The following HBS1L variants were observed in gnomAD, a reference collection of about 807,000 sequenced individuals.
The protein encoded by HBS1L is HBS1-like protein.
HBS1L carries 55 observed loss-of-function variants against 88.9 expected under a neutral mutation model. The ratio of observed to expected loss-of-function variants is 0.62; its 90% confidence interval spans 0.50 to 0.77. The LOEUF is 0.77. Among genes scored for constraint, HBS1L ranks in the 30% least tolerant of loss-of-function variants. The pLI is 0.00. For missense variants in HBS1L, 741 were observed against 829.3 expected, an observed-to-expected ratio of 0.89 and a Z score of 1.31; for synonymous variants, 267 against 288.5, an observed-to-expected ratio of 0.93 and a Z score of 0.76.
chr6:134,974,127 C>T (rs1310017992), intron 15 of HBS1L, among the ~76,000 whole-genome samples: 2 of 152,144 alleles, frequency 1.3e-5, no homozygotes, highest in East Asian at 3.9e-4. Flanking sequence ...ACTATAAACA[C>T]CTCCGTGCAC....
Position 134,993,870 on chromosome 6 carries a change from ACT to A in HBS1L, c.969_970del (p.Val324AsnfsTer10). On this transcript the variant is annotated frameshift_variant, in exon 8 of 18. Coordinates refer to ENST00000367837, the MANE Select transcript of HBS1L (RefSeq NM_006620.4). LOFTEE classifies it high-confidence loss of function. ...CTTTGTCATACCAACATCCATGGTTACTCCCCTTAAACAAAACATAACATGGT... is the reference window on the plus strand; with the variant it reads ...CTTTGTCATACCAACATCCATGGTTACCCCTTAAACAAAACATAACATGGT... 6.5e-7 allele frequency: 1 copy of A among 1,529,378 alleles called. No individual in the cohort carries two copies. The highest frequency in any genetic ancestry group is 2.3e-5 in the East Asian group (1 of 44,324). 94.7% of individuals were successfully genotyped at this position (1,529,378 alleles called of 1,614,324 possible).
At chr6:135,049,126 T>C (rs1777002513) in intron 2 of HBS1L, among the ~76,000 whole-genome samples, 1 of 152,164 alleles carries the variant, frequency 6.6e-6, no homozygotes, top group African/African-American at 2.4e-5. Flanking sequence ...CAAAATGCCA[T>C]AAACTAGGTA....
At chr6:135,004,337 T>C (rs1200795296) in intron 4 of HBS1L, among the ~76,000 whole-genome samples, 2 of 151,862 alleles carry the variant, frequency 1.3e-5, no homozygotes, top group African/African-American at 4.8e-5. Flanking sequence ...TAAAATTTGA[T>C]GATAGGGCAC....
At chr6:135,009,119 C>T (rs908255622) in intron 4 of HBS1L, among the ~76,000 whole-genome samples, 7 of 152,138 alleles carry the variant, frequency 4.6e-5, no homozygotes, top group Non-Finnish European at 8.8e-5. Flanking sequence ...GGTCGTTTAC[C>T]TTTACACAAC....
chr6:134,988,955 A>G (rs959637617), intron 8 of HBS1L, among the ~76,000 whole-genome samples: 1 of 152,236 alleles, frequency 6.6e-6, no homozygotes, highest in African/African-American at 2.4e-5. Context: ...AAAGCCTTGT[A>G]TAACAAAGTT....
At chr6:134,965,702 C>A (rs538920115) in intron 17 of HBS1L, among the ~76,000 whole-genome samples, 4 of 152,214 alleles carry the variant, frequency 2.6e-5, no homozygotes, top group African/African-American at 9.6e-5. Context: ...GCATTTATGC[C>A]GCTAAAAACT....
intron 4 of HBS1L, among the ~76,000 whole-genome samples, chr6:135,025,530 C>G (rs1776202561): frequency 6.6e-6 from 1 of 152,170 alleles, no homozygotes; most frequent in Non-Finnish European, 1.5e-5. Flanking sequence ...GCTGACAAAA[C>G]TGCTGCAACA....
intron 5 of HBS1L, among the ~76,000 whole-genome samples, chr6:134,999,666 T>C (rs1006464290): frequency 1.3e-5 from 2 of 152,128 alleles, no homozygotes; most frequent in East Asian, 1.9e-4. Flanking sequence ...CAGGCTGGTA[T>C]TGAACTCCTG....
At chr6:134,997,310 AG>A in intron 6 of HBS1L, 86 bp downstream of exon 6, 1 of 1,492,936 alleles carries the variant, frequency 6.7e-7, no homozygotes, top group South Asian at 1.2e-5. Context: ...CCACCCATGG[AG>A]AAACTCAGAG....
At position 134,985,406 on chromosome 6, in the gene HBS1L, G is replaced by C. The variant is rs1182932963; in HGVS notation, c.1427C>G (p.Ser476Cys). 1 of 1,587,470 alleles carries C rather than the reference G, an allele frequency of 6.3e-7. No homozygotes were observed. Residue 476 changes from serine to cysteine, a missense_variant, in exon 12 of 18, where the codon TCC (serine) becomes TGC (cysteine). Ser to Cys is a moderately radical substitution (Grantham distance 112). Around this residue, in one of 3 missense-constraint regions of HBS1L, gnomAD observed 556 missense variants for 598.4 expected, o/e 0.93. Transcript: ENST00000367837. ...AATAGATCGCTGGGGAGGCTTAAAG[G>C]AATCTGGAAAAAAGAAATTGCAAAA... ...KGLCLLEQID[S>C]FKPPQRSIDK...
chr6:134,983,567 C>G (rs1159188191), intron 12 of HBS1L: 1 of 152,164 alleles, frequency 6.6e-6, no homozygotes, highest in African/African-American at 2.4e-5. Flanking sequence ...GAGACACACA[C>G]ATGCAGAAGT....
At chr6:135,022,892 T>TA (rs1053780598) in intron 4 of HBS1L, among the ~76,000 whole-genome samples, 2 of 148,546 alleles carry the variant, frequency 1.3e-5, no homozygotes, top group Admixed American at 6.7e-5. Flanking sequence ...AGGATAAGGA[T>TA]AAAATCTCAT....
intron 11 of HBS1L, 136 bp downstream of exon 11, chr6:134,985,930 C>T (rs956290120): frequency 8.3e-6 from 5 of 601,826 alleles, no homozygotes; most frequent in African/African-American, 3.8e-5. Flanking sequence ...CACATGATGA[C>T]AAAACAGGTA....
intron 4 of HBS1L, among the ~76,000 whole-genome samples, chr6:135,033,350 T>C (rs890703121): frequency 1.3e-5 from 2 of 152,104 alleles, no homozygotes; most frequent in Non-Finnish European, 1.5e-5. Flanking sequence ...CCAACAATCA[T>C]CACAAGGAGT....
intron 13 of HBS1L, among the ~76,000 whole-genome samples, chr6:134,980,575 C>T (rs776654187): frequency 1.3e-5 from 2 of 151,872 alleles, no homozygotes; most frequent in African/African-American, 2.4e-5. Flanking sequence ...ATGTTTTATA[C>T]TACAAGTTCA....
intron 4 of HBS1L, among the ~76,000 whole-genome samples, chr6:135,014,047 G>A (rs895451552): frequency 3.9e-5 from 6 of 152,026 alleles, no homozygotes; most frequent in African/African-American, 1.4e-4. Flanking sequence ...AGGAAACAAG[G>A]GACAAGTGTA....
At chr6:135,041,388 A>G (rs951687963) in intron 3 of HBS1L, among the ~76,000 whole-genome samples, 10 of 151,260 alleles carry the variant, frequency 6.6e-5, no homozygotes, top group African/African-American at 2.2e-4. Flanking sequence ...ATACTTATTT[A>G]TTTATTTATA....
chr6:134,988,217 A>T (rs982940114), intron 8 of HBS1L, among the ~76,000 whole-genome samples: 2 of 152,000 alleles, frequency 1.3e-5, no homozygotes, highest in African/African-American at 4.8e-5. Context: ...TACAAAAATT[A>T]GCCGGGTGTG....
chr6:134,963,348 G>C lies in HBS1L; in HGVS notation c.*1931C>G, dbSNP rs1468502092. 6.6e-6 allele frequency: 1 copy of C among 152,164 alleles called. No homozygotes were observed. The highest frequency in any genetic ancestry group is 1.5e-5 in the Non-Finnish European group (1 of 68,034). 9.4% of individuals were successfully genotyped at this position (152,164 alleles called of 1,614,324 possible). ...GCTCTTTTAGTCTGTCCTTGCCCTG[G>C]ATGGGAGATCTGAGGATGTAAGTGT... On this transcript the variant is annotated 3_prime_UTR_variant, in exon 18 of 18. Coordinates refer to ENST00000367837, the MANE Select transcript of HBS1L (RefSeq NM_006620.4).
Sources: gnomAD v4.1 joint callset for allele counts (sites outside exome capture counted in the v4.1 genomes callset) on GRCh38, gnomAD v4.1.1 for gene constraint, gnomAD v4.1.1 regional missense constraint, MANE v1.5 for transcripts, NCBI Gene and HGNC (gene_info 2026-07-23, HGNC 2026-07-21) for gene names.